NSMCE2: variants seen among roughly 807,000 people sequenced by gnomAD.
NSMCE2 encodes the protein NSE2 SUMO ligase component of SMC5/6 complex.
Under a neutral mutation model 23.8 loss-of-function variants are expected in NSMCE2, and 24 were observed. The ratio of observed to expected loss-of-function variants is 1.01; its 90% CI spans 0.73 to 1.42. The LOEUF (loss-of-function observed/expected upper bound fraction) is 1.42. Ranked by LOEUF, NSMCE2 falls within the 40% of genes most tolerant of loss-of-function variation. NSMCE2 has a pLI of 0.00. For missense variants in NSMCE2, 284 were observed against 296.5 expected, an observed-to-expected ratio of 0.96 and a Z score of 0.31; for synonymous variants, 92 against 94.1, an observed-to-expected ratio of 0.98 and a Z score of 0.13.
At chr8:125,240,919 G>A (rs1825743316) in intron 5 of NSMCE2, among the ~76,000 whole-genome samples, 1 of 152,114 alleles carries the variant, frequency 6.6e-6, no homozygotes, top group African/African-American at 2.4e-5. Context: ...GATCCCAGCT[G>A]GGTTCAGATC....
intron 5 of NSMCE2, among the ~76,000 whole-genome samples, chr8:125,216,076 A>C (rs915676945): frequency 3.3e-5 from 5 of 152,106 alleles, no homozygotes; most frequent in Non-Finnish European, 7.4e-5. Context: ...CAAACAAAAA[A>C]TTGTCCTTTT....
At chr8:125,156,787 T>A (rs997112093) in intron 4 of NSMCE2, among the ~76,000 whole-genome samples, 1 of 152,214 alleles carries the variant, frequency 6.6e-6, no homozygotes, top group Non-Finnish European at 1.5e-5. Flanking sequence ...TCTCTCATTA[T>A]GCAACTAGTT....
At chr8:125,338,948 T>A (rs755828730) in intron 5 of NSMCE2, among the ~76,000 whole-genome samples, 1 of 152,236 alleles carries the variant, frequency 6.6e-6, no homozygotes, top group South Asian at 2.1e-4. Flanking sequence ...GCCCTAGATT[T>A]ACAGTTGACA....
At chr8:125,293,129 C>A (rs1207645130) in intron 5 of NSMCE2, among the ~76,000 whole-genome samples, 1 of 152,178 alleles carries the variant, frequency 6.6e-6, no homozygotes. Flanking sequence ...TAATAGCTTA[C>A]ACTGTTGAGC....
chr8:125,292,133 G>A (rs1191187308), intron 5 of NSMCE2, among the ~76,000 whole-genome samples: 1 of 151,804 alleles, frequency 6.6e-6, no homozygotes, highest in Non-Finnish European at 1.5e-5. Flanking sequence ...CAAAGGTATA[G>A]TTGGGGACTC....
intron 5 of NSMCE2, among the ~76,000 whole-genome samples, chr8:125,186,342 A>G (rs13254947): frequency 0.066 from 10,082 of 152,242 alleles, 434 homozygotes; most frequent in South Asian, 0.16. Flanking sequence ...TTTTACAGTA[A>G]ATGTTTACTG....
At chr8:125,104,294 G>T (rs1007448931) in intron 3 of NSMCE2, among the ~76,000 whole-genome samples, 2 of 152,174 alleles carry the variant, frequency 1.3e-5, no homozygotes, top group Admixed American at 6.5e-5. Flanking sequence ...CCAGCTTGTT[G>T]TCCTCTTTTA....
At chr8:125,241,629 AG>A (rs1289028727) in intron 5 of NSMCE2, among the ~76,000 whole-genome samples, 2 of 152,242 alleles carry the variant, frequency 1.3e-5, no homozygotes, top group Non-Finnish European at 2.9e-5. Flanking sequence ...TAACTGAAAA[AG>A]ATAACTGTAG....
intron 5 of NSMCE2, among the ~76,000 whole-genome samples, chr8:125,206,193 C>G (rs1586610401): frequency 2.6e-5 from 4 of 152,170 alleles, no homozygotes; most frequent in Admixed American, 2.6e-4. Context: ...AGAAATAGAA[C>G]AGAAGTCACA....
chr8:125,232,766 C>G (rs1029752117), intron 5 of NSMCE2, among the ~76,000 whole-genome samples: 1 of 151,936 alleles, frequency 6.6e-6, no homozygotes, highest in African/African-American at 2.4e-5. Context: ...TTTTCTTCTT[C>G]TTGTTTTTTT....
intron 5 of NSMCE2, among the ~76,000 whole-genome samples, chr8:125,241,806 T>G (rs547837759): frequency 1.3e-5 from 2 of 152,338 alleles, no homozygotes; most frequent in Non-Finnish European, 1.5e-5. Context: ...TTGAATTTAT[T>G]CCTTCCACAA....
At chr8:125,280,944 ACCTACAGTCTT>A (rs755743465) in intron 5 of NSMCE2, among the ~76,000 whole-genome samples, 4 of 152,188 alleles carry the variant, frequency 2.6e-5, no homozygotes, top group African/African-American at 4.8e-5. Flanking sequence ...TGCCCTACAA[ACCTACAGTCTT>A]CCTGAATGGT....
At chr8:125,323,450 TTAAA>T (rs1829531797) in intron 5 of NSMCE2, among the ~76,000 whole-genome samples, 1 of 152,156 alleles carries the variant, frequency 6.6e-6, no homozygotes, top group African/African-American at 2.4e-5. Flanking sequence ...TGGACAACAG[TTAAA>T]TAAATCAGTG....
intron 5 of NSMCE2, among the ~76,000 whole-genome samples, chr8:125,198,857 A>G (rs1008328957): frequency 6.6e-6 from 1 of 152,110 alleles, no homozygotes. Flanking sequence ...TACTGCCTCA[A>G]TTTCAGACCC....
intron 5 of NSMCE2, among the ~76,000 whole-genome samples, chr8:125,278,717 T>G (rs1445026793): frequency 6.6e-6 from 1 of 152,182 alleles, no homozygotes; most frequent in African/African-American, 2.4e-5. Context: ...TTTTGGATAT[T>G]GTTTTGGTTT....
intron 5 of NSMCE2, among the ~76,000 whole-genome samples, chr8:125,211,765 C>G (rs896393048): frequency 6.6e-6 from 1 of 152,212 alleles, no homozygotes; most frequent in Non-Finnish European, 1.5e-5. Context: ...ACCTTTTGGT[C>G]TCTGCCACTT....
chr8:125,194,564 A>G (rs949869670), intron 5 of NSMCE2, among the ~76,000 whole-genome samples: 1 of 152,194 alleles, frequency 6.6e-6, no homozygotes, highest in Non-Finnish European at 1.5e-5. Flanking sequence ...ATTCATGTAC[A>G]GAGTTTTATG....
intron 3 of NSMCE2, among the ~76,000 whole-genome samples, chr8:125,116,929 C>A (rs1003591094): frequency 6.7e-6 from 1 of 149,726 alleles, no homozygotes; most frequent in African/African-American, 2.5e-5. Context: ...TCTCTGTCAC[C>A]CACTCTGGTG....
chr8:125,254,032 G>A (rs1016412815), intron 5 of NSMCE2, among the ~76,000 whole-genome samples: 37 of 152,086 alleles, frequency 2.4e-4, no homozygotes, highest in Non-Finnish European at 5.0e-4. Flanking sequence ...GTTTCTAAGG[G>A]CTGTAACTAA....
Sources: gnomAD v4.1 joint callset for allele counts (sites outside exome capture counted in the v4.1 genomes callset) on GRCh38, gnomAD v4.1.1 for gene constraint, MANE v1.5 for transcripts, NCBI Gene and HGNC (gene_info 2026-07-23, HGNC 2026-07-21) for gene names.